The following ROBO2 variants were observed in gnomAD, a reference collection of about 807,000 sequenced individuals.
ROBO2 encodes the protein roundabout homolog 2.
ROBO2 carries 53 observed loss-of-function variants against 160.8 expected under a neutral mutation model. That is an observed-to-expected ratio of 0.33 (90% CI 0.26 to 0.41). ROBO2 has a LOEUF of 0.41. ROBO2 is among the 10% of genes least tolerant of loss of function. The probability of loss-of-function intolerance (pLI) is 1.00; values close to 1 mark genes in which losing one functional copy is unlikely to be tolerated. For synonymous variants in ROBO2, 664 were observed against 611.7 expected, an observed-to-expected ratio of 1.09 and a Z score of -1.26; for missense variants, 1,577 against 1,722.4, an observed-to-expected ratio of 0.92 and a Z score of 1.49.
chr3:77,617,398 A>G (rs1202180207), intron 21 of ROBO2, 115 bp from the exon 23 acceptor site: 1 of 1,193,796 alleles, frequency 8.4e-7, no homozygotes. Flanking sequence ...GGAAGAAATA[A>G]ACCGAGAGAA....
chr3:76,159,803 T>C (rs766074825), intron 2 of ROBO2, among the ~76,000 whole-genome samples: 2 of 152,136 alleles, frequency 1.3e-5, no homozygotes, highest in Non-Finnish European at 2.9e-5. Context: ...AATTGAGCCT[T>C]TGAAATAGGA....
At chr3:76,086,867 T>G (rs2069036302) in intron 2 of ROBO2, among the ~76,000 whole-genome samples, 1 of 152,066 alleles carries the variant, frequency 6.6e-6, no homozygotes. Context: ...CAAAAAGAAG[T>G]ATTAGAGTTT....
intron 2 of ROBO2, among the ~76,000 whole-genome samples, chr3:77,408,239 G>A (rs762438248): frequency 5.9e-5 from 9 of 152,014 alleles, no homozygotes; most frequent in Non-Finnish European, 8.8e-5. Flanking sequence ...TAAATACATC[G>A]CTTGTGTCAA....
chr3:76,656,879 T>C (rs538156593), intron 2 of ROBO2, among the ~76,000 whole-genome samples: 1 of 152,284 alleles, frequency 6.6e-6, no homozygotes, highest in South Asian at 2.1e-4. Context: ...AAATTAAAAG[T>C]TAGCAGCATT....
In ROBO2 at chr3:77,156,741, T is replaced by G. The variant is rs1048631128; in HGVS notation, c.388+58401T>G. On this transcript the variant is annotated intron_variant, in intron 2 of 25. Coordinates refer to ENST00000461745, the Ensembl canonical transcript of ROBO2. Reference sequence around the variant, plus strand: ...ACTTTTTAATATATTTATTAGAATATTAATTAGAATATATAAAAATATTTA... The same window carrying G: ...ACTTTTTAATATATTTATTAGAATAGTAATTAGAATATATAAAAATATTTA... Among the ~76,000 whole-genome samples, 14 of 149,938 alleles carry G rather than the reference T, an allele frequency of 9.3e-5. 1 individual carries two copies. The highest frequency in any genetic ancestry group is 2.9e-4 in the African/African-American group (12 of 41,136).
At chr3:77,144,594 T>C (rs1482620558) in intron 2 of ROBO2, among the ~76,000 whole-genome samples, 1 of 152,262 alleles carries the variant, frequency 6.6e-6, no homozygotes, top group Non-Finnish European at 1.5e-5. Flanking sequence ...ACAATTTATT[T>C]AAACTTTGTA....
intron 20 of ROBO2, 28 bp from the exon 22 acceptor site, chr3:77,607,770 C>G: frequency 6.2e-7 from 1 of 1,606,028 alleles, no homozygotes; most frequent in Non-Finnish European, 8.5e-7. Flanking sequence ...TATTTGGCAT[C>G]TCTGAATAAA....
chr3:76,836,721 A>T (rs1338305831), intron 2 of ROBO2, among the ~76,000 whole-genome samples: 4 of 151,594 alleles, frequency 2.6e-5, no homozygotes, highest in African/African-American at 4.8e-5. Flanking sequence ...ATTGGTTTTT[A>T]TTTTAATGCC....
chr3:75,968,343 G>C (rs2107335903), intron 2 of ROBO2, among the ~76,000 whole-genome samples: 1 of 151,436 alleles, frequency 6.6e-6, no homozygotes, highest in East Asian at 2.0e-4. Context: ...TCCTTCCTCT[G>C]CTTATCTTCC....
intron 2 of ROBO2, among the ~76,000 whole-genome samples, chr3:76,367,955 T>C (rs1269147284): frequency 6.6e-6 from 1 of 151,784 alleles, no homozygotes; most frequent in African/African-American, 2.4e-5. Context: ...AGTATAGACG[T>C]GCCTTAAAAA....
intron 13 of ROBO2, among the ~76,000 whole-genome samples, chr3:77,568,789 G>T (rs1213265428): frequency 1.3e-5 from 2 of 151,882 alleles, no homozygotes; most frequent in Non-Finnish European, 2.9e-5. Flanking sequence ...ATGAAATCCT[G>T]TGCCTGTTAA....
chr3:76,213,128 A>G (rs1270981449), intron 2 of ROBO2, among the ~76,000 whole-genome samples: 1 of 152,154 alleles, frequency 6.6e-6, no homozygotes, highest in Non-Finnish European at 1.5e-5. Flanking sequence ...AAAGATGGGT[A>G]GAATTTCAAT....
At chr3:77,446,008 T>A (rs1268863119) in intron 2 of ROBO2, among the ~76,000 whole-genome samples, 1 of 152,040 alleles carries the variant, frequency 6.6e-6, no homozygotes, top group Non-Finnish European at 1.5e-5. Flanking sequence ...TGAGATAAGC[T>A]TTTCTGTAGA....
At chr3:76,707,103 T>C (rs2093179475) in intron 2 of ROBO2, among the ~76,000 whole-genome samples, 1 of 152,112 alleles carries the variant, frequency 6.6e-6, no homozygotes, top group African/African-American at 2.4e-5. Context: ...TATGTATATG[T>C]ATACATAGAC....
At chr3:76,405,849 A>G (rs1484714205) in intron 2 of ROBO2, among the ~76,000 whole-genome samples, 1 of 151,760 alleles carries the variant, frequency 6.6e-6, no homozygotes, top group Non-Finnish European at 1.5e-5. Flanking sequence ...GACAAATTAT[A>G]TCTGGAAAAT....
At chr3:76,361,246 G>A (rs1576662218) in intron 2 of ROBO2, among the ~76,000 whole-genome samples, 1 of 152,156 alleles carries the variant, frequency 6.6e-6, no homozygotes, top group East Asian at 1.9e-4. Flanking sequence ...CAAGCCTCTG[G>A]CTTGAGCAAC....
chr3:75,967,543 C>G (rs1357662144), intron 2 of ROBO2, among the ~76,000 whole-genome samples: 1 of 151,488 alleles, frequency 6.6e-6, no homozygotes, highest in Non-Finnish European at 1.5e-5. Context: ...CAAACAAATT[C>G]ATGGCACTCA....
chr3:76,781,000 T>G (rs2062607012), intron 2 of ROBO2, among the ~76,000 whole-genome samples: 1 of 150,922 alleles, frequency 6.6e-6, no homozygotes, highest in East Asian at 2.0e-4. Flanking sequence ...TAAATCACTT[T>G]AGGTATTATG....
intron 2 of ROBO2, among the ~76,000 whole-genome samples, chr3:76,941,887 A>T (rs903138427): frequency 3.9e-5 from 6 of 152,192 alleles, no homozygotes. Context: ...TCATGTTTTT[A>T]AGTTGGAGAA....
Sources: allele counts gnomAD v4.1 joint callset (sites outside exome capture counted in the v4.1 genomes callset), GRCh38; gene constraint gnomAD v4.1.1; transcripts MANE v1.5; gene names NCBI Gene and HGNC (gene_info 2026-07-23, HGNC 2026-07-21).